TBC1D2: variants seen among roughly 807,000 people sequenced by gnomAD.
The protein encoded by TBC1D2 is TBC1 domain family member 2.
In TBC1D2, 58 loss-of-function variants were observed where a neutral mutation model predicts 91.1. The ratio of observed to expected loss-of-function variants is 0.64; its 90% CI spans 0.52 to 0.79. The LOEUF is 0.79. Among genes scored for constraint, TBC1D2 ranks in the 30% least tolerant of loss-of-function variants. The pLI, the probability that TBC1D2 is intolerant of heterozygous loss-of-function variation, is 0.00. For missense variants in TBC1D2, 1,080 were observed against 1,208.3 expected (o/e 0.89, Z 1.57); for synonymous variants, 482 against 511.5 (o/e 0.94, Z 0.78).
intron 6 of TBC1D2, among the ~76,000 whole-genome samples, chr9:98,218,997 T>C (rs1366669171): frequency 6.6e-6 from 1 of 152,248 alleles, no homozygotes; most frequent in Non-Finnish European, 1.5e-5. Flanking sequence ...TGTGGAGGGC[T>C]GAGAGCTTTC....
intron 5 of TBC1D2, among the ~76,000 whole-genome samples, chr9:98,225,869 G>T (rs1182203697): frequency 1.3e-5 from 2 of 152,212 alleles, no homozygotes; most frequent in African/African-American, 4.8e-5. Context: ...TTCCTAAAGA[G>T]TCACGAAAGC....
At chr9:98,242,705 AT>A (rs1205085242) in intron 3 of TBC1D2, among the ~76,000 whole-genome samples, 1 of 151,892 alleles carries the variant, frequency 6.6e-6, no homozygotes, top group Non-Finnish European at 1.5e-5. Context: ...TAAGAAAAGC[AT>A]TGAGAAACAA....
intron 3 of TBC1D2, among the ~76,000 whole-genome samples, chr9:98,242,224 G>T (rs1199452452): frequency 6.6e-6 from 1 of 151,954 alleles, no homozygotes; most frequent in African/African-American, 2.4e-5. Flanking sequence ...GGCAAACCAC[G>T]AGGTCAGGAG....
At chr9:98,244,207 G>A in intron 2 of TBC1D2, 78 bp from the exon 3 acceptor site, 1 of 1,572,876 alleles carries the variant, frequency 6.4e-7, no homozygotes, top group East Asian at 2.3e-5. Context: ...TGCTATGGGT[G>A]CAGCCCTGAC....
rs541495248 is a variant in TBC1D2 at position 98,253,601 on chromosome 9, G to C, written c.369+1572C>G. 5.3e-5 allele frequency among the ~76,000 whole-genome samples: 8 copies of C among 152,314 alleles called. No homozygotes were observed. The East Asian group carries it at 1.5e-3, about 29-fold the overall frequency. On this transcript the variant is annotated intron_variant, in intron 1 of 12. Coordinates refer to ENST00000465784, the MANE Select transcript of TBC1D2 (RefSeq NM_001267571.2). ...GTGATTTGCCTGGACACTCAGGGCT[G>C]TATCATGGTTTCCTAATTTGCTCAC...
chr9:98,203,046 G>A (rs1220927962), intron 10 of TBC1D2, among the ~76,000 whole-genome samples: 2 of 152,272 alleles, frequency 1.3e-5, no homozygotes, highest in South Asian at 2.1e-4. Flanking sequence ...GGCAGAGCAG[G>A]GAGCTAGGAG....
At chr9:98,222,258 C>T (rs1829117906) in intron 5 of TBC1D2, among the ~76,000 whole-genome samples, 1 of 152,206 alleles carries the variant, frequency 6.6e-6, no homozygotes, top group African/African-American at 2.4e-5. Flanking sequence ...ATACTTCTTC[C>T]TGCACAGCCT....
In TBC1D2 at chr9:98,220,996, A is replaced by C. The variant is rs764623153; in HGVS notation, c.1211T>G (p.Val404Gly). 1.9e-6 allele frequency: 3 copies of C among 1,614,142 alleles called. No homozygotes were observed. The highest frequency in any genetic ancestry group is 2.5e-6 in the Non-Finnish European group (3 of 1,180,008). The part of the protein sequence containing the change: ...EQQVQELQQH[V>G]QLLMDKNHAK... Reference sequence around the variant, plus strand: ...GTGGTTCTTGTCCATAAGCAGCTGCACGTGCTGCTGTAGCTCCTGCACCTG... The same window carrying C: ...GTGGTTCTTGTCCATAAGCAGCTGCCCGTGCTGCTGTAGCTCCTGCACCTG... The change falls in exon 6 of 13, where the codon GTG (valine) becomes GGG (glycine). Residue 404 changes from valine to glycine, a missense_variant. Physicochemically the swap from Val to Gly is moderately radical, Grantham distance 109. Coordinates refer to ENST00000465784, the MANE Select transcript of TBC1D2 (RefSeq NM_001267571.2).
At chr9:98,241,557 GTTGCTC>G (rs1229976320) in intron 3 of TBC1D2, among the ~76,000 whole-genome samples, 1 of 152,222 alleles carries the variant, frequency 6.6e-6, no homozygotes, top group African/African-American at 2.4e-5. Context: ...CAGGAGGGAA[GTTGCTC>G]TATGACCCTC....
chr9:98,200,151 G>T (rs1023675098), intron 12 of TBC1D2, 102 bp downstream of exon 12: 3 of 1,497,282 alleles, frequency 2.0e-6, no homozygotes, highest in African/African-American at 1.4e-5. Flanking sequence ...GAGCATCAGC[G>T]TCACTTACCA....
At chr9:98,243,851 A>T in intron 3 of TBC1D2, 143 bp downstream of exon 3, 1 of 1,194,588 alleles carries the variant, frequency 8.4e-7, no homozygotes, top group Non-Finnish European at 1.2e-6. Context: ...GTAATATTTT[A>T]AAGTGATGAT....
chr9:98,252,314 C>T (rs148443126), intron 1 of TBC1D2, among the ~76,000 whole-genome samples: 233 of 152,250 alleles, frequency 1.5e-3, no homozygotes, highest in African/African-American at 5.6e-3. Context: ...TTCTGATATG[C>T]GTGGGGTCCT....
At chr9:98,225,294 G>T (rs1272281710) in intron 5 of TBC1D2, among the ~76,000 whole-genome samples, 1 of 152,230 alleles carries the variant, frequency 6.6e-6, no homozygotes, top group East Asian at 1.9e-4. Flanking sequence ...GCCATCTGGT[G>T]CTATCTCCTA....
Position 98,237,460 on chromosome 9 carries a change from A to G in TBC1D2, c.648-3911T>C, listed in dbSNP as rs367700483. 1.4e-3 allele frequency among the ~76,000 whole-genome samples: 209 copies of G among 152,028 alleles called. 1 individual carries two copies. The highest frequency in any genetic ancestry group is 4.4e-3 in the African/African-American group (181 of 41,486). ...ACAGCACCACTGTCTGGATTACTAT[A>G]GCTTTGTAGTAGTGTTGATATTGGG... On this transcript the variant is annotated intron_variant, in intron 3 of 12. Transcript: ENST00000465784.
rs200207075 is a variant in TBC1D2 at position 98,249,550 on chromosome 9, G to A, written c.511+2235C>T. ...TGATCTTTGCAGCAGCATCAACCCA[G>A]GCTGCAGTTTTCTGCAAAACCAGGG... On this transcript the variant is annotated intron_variant, in intron 2 of 12. Transcript: ENST00000465784. 6.6e-5 allele frequency among the ~76,000 whole-genome samples: 10 copies of A among 152,348 alleles called. No homozygotes were observed. The East Asian group carries it at 1.9e-3, about 29-fold the overall frequency.
In TBC1D2 at chr9:98,255,254, G is replaced by A; in HGVS notation, c.288C>T (p.Ser96=). ...DANPLDSIDL[S]SAVFDCKADA... is the part of the protein sequence containing the mutation. ...CCGCCTTACAGTCAAACACTGCACT[G>A]GAGAGGTCGATGCTGTCCAAGGGAT... Residue 96 remains serine (S), a synonymous_variant, in exon 1 of 13, where the codon TCC becomes TCT. Transcript: ENST00000465784. The A allele has an allele frequency of 1.2e-6, 2 of 1,614,238 alleles. No individual in the cohort carries two copies. The highest frequency in any genetic ancestry group is 1.7e-6 in the Non-Finnish European group (2 of 1,180,040).
Position 98,233,743 on chromosome 9 carries a change from C to T in TBC1D2, c.648-194G>A, listed in dbSNP as rs1015563761. ...CCCAATCTCCTTTACCTATCTCTTT[C>T]GCATTCTCATCTTCCACACACTATG... On this transcript the variant is annotated intron_variant, in intron 3 of 12. Transcript: ENST00000465784. 5.1e-4 allele frequency among the ~76,000 whole-genome samples: 78 copies of T among 152,320 alleles called. 2 individuals are homozygous for T. Among genetic ancestry groups the T allele is most frequent in the Admixed American group, 4.3e-3 (66 of 15,296 alleles).
chr9:98,251,233 G>T lies in TBC1D2; in HGVS notation c.511+552C>A, dbSNP rs1829868066. On this transcript the variant is annotated intron_variant, in intron 2 of 12. Coordinates refer to ENST00000465784, the MANE Select transcript of TBC1D2 (RefSeq NM_001267571.2). Reference sequence around the variant, plus strand: ...TTAAACCCGGGAGGCGGAAGTTGCAGTGAGCCGAGATTGCACCATTGCACT... The same window carrying T: ...TTAAACCCGGGAGGCGGAAGTTGCATTGAGCCGAGATTGCACCATTGCACT... Among the ~76,000 whole-genome samples the T allele has an allele frequency of 2.6e-5, 4 of 152,132 alleles. No individual in the cohort carries two copies. In the South Asian group the frequency reaches 8.3e-4, roughly 32 times the overall value.
At chr9:98,238,156 G>A (rs1452052484) in intron 3 of TBC1D2, among the ~76,000 whole-genome samples, 2 of 135,968 alleles carry the variant, frequency 1.5e-5, no homozygotes, top group Non-Finnish European at 3.0e-5. Flanking sequence ...TGCCCACCTT[G>A]GCCTCCTAAA....
Sources: allele counts gnomAD v4.1 joint callset (sites outside exome capture counted in the v4.1 genomes callset), GRCh38; gene constraint gnomAD v4.1.1; transcripts MANE v1.5; gene names NCBI Gene and HGNC (gene_info 2026-07-23, HGNC 2026-07-21).